The following CNTNAP2 variants were observed in gnomAD, a reference collection of about 807,000 sequenced individuals.
CNTNAP2 encodes the protein contactin-associated protein-like 2.
In CNTNAP2, 98 loss-of-function variants were observed where a neutral mutation model predicts 155.2. The observed-to-expected ratio is 0.63, with a 90% CI of 0.54 to 0.75. The LOEUF (loss-of-function observed/expected upper bound fraction) is 0.75. Among genes scored for constraint, CNTNAP2 ranks in the 30% least tolerant of loss-of-function variants. The pLI is 0.00. For synonymous variants in CNTNAP2, 651 were observed against 631.2 expected (o/e 1.03, Z -0.47); for missense variants, 1,727 against 1,688.1 (o/e 1.02, Z -0.40).
intron 8 of CNTNAP2, among the ~76,000 whole-genome samples, chr7:147,257,257 T>C (rs933602115): frequency 2.6e-5 from 4 of 152,186 alleles, no homozygotes; most frequent in African/African-American, 7.2e-5. Context: ...CATTGAGGTT[T>C]AGAAGGCAAT....
intron 13 of CNTNAP2, 136 bp downstream of exon 13, chr7:147,639,442 A>G: frequency 1.2e-6 from 1 of 821,316 alleles, no homozygotes. Context: ...TAAGTAAAAT[A>G]AAATCATTGG....
intron 10 of CNTNAP2, among the ~76,000 whole-genome samples, chr7:147,403,326 T>C (rs1331069573): frequency 6.6e-6 from 1 of 152,184 alleles, no homozygotes; most frequent in East Asian, 1.9e-4. Flanking sequence ...CTCCCTAAAA[T>C]GTATAAAACC....
chr7:147,659,975 A>G (rs903915819), intron 13 of CNTNAP2, among the ~76,000 whole-genome samples: 4 of 152,210 alleles, frequency 2.6e-5, no homozygotes, highest in Admixed American at 2.6e-4. Context: ...AGTTCTCTCA[A>G]AAGCCCACCT....
At chr7:146,152,866 T>C (rs1798072221) in intron 1 of CNTNAP2, among the ~76,000 whole-genome samples, 2 of 152,066 alleles carry the variant, frequency 1.3e-5, no homozygotes, top group South Asian at 4.2e-4. Context: ...CAACAGGAAA[T>C]TGTTCTGAAA....
intron 1 of CNTNAP2, among the ~76,000 whole-genome samples, chr7:146,204,775 G>T (rs553954084): frequency 6.6e-6 from 1 of 151,950 alleles, no homozygotes; most frequent in African/African-American, 2.4e-5. Context: ...ACTGATTATT[G>T]TATATAACTA....
At chr7:146,927,001 T>A (rs1307709894) in intron 3 of CNTNAP2, among the ~76,000 whole-genome samples, 2 of 152,174 alleles carry the variant, frequency 1.3e-5, no homozygotes, top group Admixed American at 1.3e-4. Context: ...AGAGAAACTT[T>A]CAGCAAAAAG....
At chr7:146,194,652 G>T (rs1203346623) in intron 1 of CNTNAP2, among the ~76,000 whole-genome samples, 1 of 152,086 alleles carries the variant, frequency 6.6e-6, no homozygotes, top group East Asian at 1.9e-4. Context: ...TAAAATATAG[G>T]CTAATCTTTG....
chr7:147,050,471 A>G (rs1221347720), intron 4 of CNTNAP2, among the ~76,000 whole-genome samples: 1 of 152,182 alleles, frequency 6.6e-6, no homozygotes, highest in Non-Finnish European at 1.5e-5. Flanking sequence ...TAAATAATAA[A>G]ACCTGTATGT....
chr7:147,633,160 C>T (rs1795117633), intron 12 of CNTNAP2, among the ~76,000 whole-genome samples: 1 of 152,234 alleles, frequency 6.6e-6, no homozygotes, highest in African/African-American at 2.4e-5. Flanking sequence ...GCTTCAGCGC[C>T]AGCCTTGGCT....
At chr7:147,448,650 A>C (rs952501699) in intron 10 of CNTNAP2, among the ~76,000 whole-genome samples, 4 of 152,108 alleles carry the variant, frequency 2.6e-5, no homozygotes, top group Non-Finnish European at 5.9e-5. Flanking sequence ...AATAGAGGAA[A>C]TATTTTCATA....
At chr7:147,996,376 G>A (rs188383702) in intron 15 of CNTNAP2, among the ~76,000 whole-genome samples, 85 of 152,276 alleles carry the variant, frequency 5.6e-4, no homozygotes, top group Non-Finnish European at 9.4e-4. Context: ...GTGGAGCCCA[G>A]TAACCTGTTT....
At chr7:148,413,450 C>T (rs61496697) in intron 23 of CNTNAP2, among the ~76,000 whole-genome samples, 36,321 of 73,034 alleles carry the variant, frequency 0.5, 10,934 homozygotes, top group African/African-American at 0.65. Flanking sequence ...ATATATATTG[C>T]TCCATAGTTT....
At chr7:147,889,705 G>A (rs928328477) in intron 13 of CNTNAP2, among the ~76,000 whole-genome samples, 2 of 152,096 alleles carry the variant, frequency 1.3e-5, no homozygotes, top group Non-Finnish European at 2.9e-5. Flanking sequence ...ACTTTCTGAG[G>A]TGATCAAAAT....
At chr7:147,324,255 C>A (rs1795410334) in intron 9 of CNTNAP2, among the ~76,000 whole-genome samples, 1 of 152,102 alleles carries the variant, frequency 6.6e-6, no homozygotes, top group South Asian at 2.1e-4. Context: ...AACACAGTGT[C>A]TGATGCATGC....
chr7:146,496,146 C>T (rs377522315), intron 1 of CNTNAP2, among the ~76,000 whole-genome samples: 37 of 152,164 alleles, frequency 2.4e-4, no homozygotes, highest in Non-Finnish European at 3.2e-4. Flanking sequence ...ACCCATGCGA[C>T]GTGAAGAAAA....
At chr7:146,913,240 C>G (rs973682791) in intron 3 of CNTNAP2, among the ~76,000 whole-genome samples, 1 of 152,062 alleles carries the variant, frequency 6.6e-6, no homozygotes, top group Non-Finnish European at 1.5e-5. Context: ...GGTTAGCTGA[C>G]GTGCATGGTA....
intron 1 of CNTNAP2, among the ~76,000 whole-genome samples, chr7:146,300,776 A>G (rs1269711987): frequency 1.3e-5 from 2 of 152,258 alleles, no homozygotes; most frequent in Admixed American, 6.5e-5. Flanking sequence ...GCATTATTGA[A>G]AAGCAGCAAC....
rs1799372825 is a variant in CNTNAP2, at chr7:146,623,752, G to GA, written c.98-150519_98-150518insA. Reference sequence around the variant, plus strand: ...GTACATAAGTTTTCAATTCAGTTGAGTAAATACCTAGCATTTTAATTGTGG... The same window carrying GA: ...GTACATAAGTTTTCAATTCAGTTGAGATAAATACCTAGCATTTTAATTGTGG... On this transcript the variant is annotated intron_variant, in intron 1 of 23. Coordinates refer to ENST00000361727, the MANE Select transcript of CNTNAP2 (RefSeq NM_014141.6). Among the ~76,000 whole-genome samples, 3 of 152,230 alleles carry GA rather than the reference G, an allele frequency of 2.0e-5. No homozygotes were observed. The South Asian group carries it at 6.2e-4, about 32-fold the overall frequency.
intron 3 of CNTNAP2, among the ~76,000 whole-genome samples, chr7:146,960,935 G>A (rs1797545958): frequency 6.6e-6 from 1 of 152,162 alleles, no homozygotes; most frequent in African/African-American, 2.4e-5. Flanking sequence ...ACATGCTTTA[G>A]CTACTCCTTT....
Sources: gnomAD v4.1 joint callset for allele counts (sites outside exome capture counted in the v4.1 genomes callset) on GRCh38, gnomAD v4.1.1 for gene constraint, MANE v1.5 for transcripts, NCBI Gene and HGNC (gene_info 2026-07-23, HGNC 2026-07-21) for gene names.